HMCN1: variants seen among roughly 807,000 people sequenced by gnomAD.
HMCN1 encodes hemicentin-1.
In HMCN1, 321 loss-of-function variants were observed where a neutral mutation model predicts 625.9. That is an observed-to-expected ratio of 0.51 (90% CI 0.47 to 0.56). HMCN1 has a LOEUF of 0.56. Ranked by LOEUF, HMCN1 falls within the 20% of genes least tolerant of loss-of-function variation. The pLI, the probability that HMCN1 is intolerant of heterozygous loss-of-function variation, is 0.00. For missense variants in HMCN1, 6,588 were observed against 6,887.3 expected (o/e 0.96, Z 1.54); for synonymous variants, 2,425 against 2,417.6 (o/e 1.00, Z -0.09).
At chr1:186,055,696 A>G in intron 45 of HMCN1, 22 bp downstream of exon 45, 1 of 1,610,112 alleles carries the variant, frequency 6.2e-7, no homozygotes. Context: ...GAGGCTCAAT[A>G]TGTCCATTCA....
intron 1 of HMCN1, among the ~76,000 whole-genome samples, chr1:185,819,322 C>T (rs1282046449): frequency 6.6e-6 from 1 of 151,430 alleles, no homozygotes; most frequent in Non-Finnish European, 1.5e-5. Context: ...TTTTTCTAAA[C>T]ATTGAGGACC....
intron 19 of HMCN1, among the ~76,000 whole-genome samples, chr1:185,987,204 T>A (rs1652061045): frequency 6.6e-6 from 1 of 152,178 alleles, no homozygotes; most frequent in Non-Finnish European, 1.5e-5. Flanking sequence ...TAGACATAAC[T>A]TACTACTTGA....
rs1033369333 is a variant in HMCN1, at chr1:186,151,431, G to A, written c.14758+82G>A. On this transcript the variant is annotated intron_variant, in intron 94 of 106. Transcript: ENST00000271588. ...TACTTCCATTAAAGTTCTAGAGAAT[G>A]CTACTACTAACTCATAAGTATGGTA... 3 of 1,388,404 alleles carry A rather than the reference G, an allele frequency of 2.2e-6. No individual in the cohort carries two copies. The African/African-American group carries it at 4.3e-5, about 20-fold the overall frequency. The allele number at this position is 1,388,404 out of a possible 1,614,324, so 86.0% of individuals were successfully genotyped here.
At chr1:186,127,253 TAGAATA>T (rs1402973664) in intron 82 of HMCN1, among the ~76,000 whole-genome samples, 2 of 151,996 alleles carry the variant, frequency 1.3e-5, no homozygotes, top group Non-Finnish European at 2.9e-5. Context: ...AGCAAAGAGT[TAGAATA>T]AGAAGTTCAA....
At chr1:185,965,436 T>C (rs1228170277) in intron 13 of HMCN1, among the ~76,000 whole-genome samples, 1 of 152,120 alleles carries the variant, frequency 6.6e-6, no homozygotes, top group Non-Finnish European at 1.5e-5. Flanking sequence ...TTAGAATTAT[T>C]CCTCTCTCTG....
At chr1:185,930,934 A>T (rs2102491462) in intron 10 of HMCN1, among the ~76,000 whole-genome samples, 1 of 152,008 alleles carries the variant, frequency 6.6e-6, no homozygotes, top group South Asian at 2.1e-4. Context: ...ACACACACAC[A>T]CACACACACA....
Position 186,081,375 on chromosome 1 carries a change from C to T in HMCN1, c.8768C>T (p.Ser2923Phe). The change falls in exon 56 of 107, where the codon TCT (serine) becomes TTT (phenylalanine). Residue 2923 changes from serine (S) to phenylalanine (F), a missense_variant. Coordinates refer to ENST00000271588, the MANE Select transcript of HMCN1 (RefSeq NM_031935.3). ...GAAGATGACCATCATAAATTTCTAT[C>T]TAATGGACGAATTCTGCAGGTAAAA... ...LLEDDHHKFL[S>F]NGRILQILNT... The T allele has an allele frequency of 1.2e-6, 2 of 1,612,876 alleles. No individual in the cohort carries two copies. The highest frequency in any genetic ancestry group is 1.7e-6 in the Non-Finnish European group (2 of 1,179,050).
chr1:185,829,765 T>C (rs1660742885), intron 1 of HMCN1, among the ~76,000 whole-genome samples: 1 of 152,202 alleles, frequency 6.6e-6, no homozygotes, highest in African/African-American at 2.4e-5. Context: ...GTTGGGTATC[T>C]ACTCAGTAAT....
intron 93 of HMCN1, among the ~76,000 whole-genome samples, chr1:186,149,415 C>A (rs1167456455): frequency 6.6e-6 from 1 of 152,172 alleles, no homozygotes; most frequent in East Asian, 1.9e-4. Context: ...TTGTCTTCTG[C>A]AGCTTCCTCA....
chr1:186,041,822 T>G (rs529639144), intron 40 of HMCN1, among the ~76,000 whole-genome samples: 1 of 152,326 alleles, frequency 6.6e-6, no homozygotes, highest in African/African-American at 2.4e-5. Flanking sequence ...TTGGAATAAT[T>G]AAATTATTTC....
chr1:186,038,637 G>A (rs906132091), intron 37 of HMCN1, among the ~76,000 whole-genome samples, 192 bp from the exon 38 acceptor site: 14 of 152,078 alleles, frequency 9.2e-5, no homozygotes, highest in Admixed American at 3.9e-4. Context: ...AGGACTCACC[G>A]ACTTGGATCT....
chr1:185,771,740 A>AC (rs1395412869), intron 1 of HMCN1, among the ~76,000 whole-genome samples: 2 of 152,110 alleles, frequency 1.3e-5, no homozygotes, highest in African/African-American at 4.8e-5. Flanking sequence ...AGAGTACCAC[A>AC]CCTAGAGCTG....
intron 41 of HMCN1, among the ~76,000 whole-genome samples, chr1:186,047,582 G>T (rs1656660119): frequency 6.6e-6 from 1 of 152,034 alleles, no homozygotes; most frequent in Admixed American, 6.6e-5. Context: ...TACACACTAG[G>T]TGCTCAATAA....
chr1:185,796,681 A>G (rs769585403), intron 1 of HMCN1, among the ~76,000 whole-genome samples: 3 of 152,172 alleles, frequency 2.0e-5, no homozygotes, highest in Non-Finnish European at 4.4e-5. Flanking sequence ...CACTTTACAC[A>G]TACATATGTA....
chr1:185,850,912 A>G (rs1171923943), intron 2 of HMCN1, among the ~76,000 whole-genome samples: 1 of 152,144 alleles, frequency 6.6e-6, no homozygotes, highest in African/African-American at 2.4e-5. Flanking sequence ...CATTGGGAAT[A>G]CCACAGAAGT....
At chr1:185,860,943 C>T (rs1377641245) in intron 2 of HMCN1, among the ~76,000 whole-genome samples, 3 of 151,750 alleles carry the variant, frequency 2.0e-5, no homozygotes, top group Admixed American at 2.0e-4. Context: ...TGTGGTTAAA[C>T]TGCTTTATTC....
At chr1:186,065,517 C>T (rs1658053370) in intron 49 of HMCN1, 88 bp downstream of exon 49, 1 of 956,962 alleles carries the variant, frequency 1.0e-6, no homozygotes, top group Non-Finnish European at 1.5e-6. Context: ...AGTAATGTTT[C>T]CGTCGTAGAA....
At chr1:186,168,826 C>T (rs1002844672) in intron 100 of HMCN1, among the ~76,000 whole-genome samples, 5 of 152,012 alleles carry the variant, frequency 3.3e-5, no homozygotes, top group Non-Finnish European at 5.9e-5. Context: ...AGGTTTGTTA[C>T]GTAGCAATAC....
intron 36 of HMCN1, among the ~76,000 whole-genome samples, chr1:186,034,392 G>A (rs1655681108): frequency 6.6e-6 from 1 of 152,170 alleles, no homozygotes; most frequent in Admixed American, 6.5e-5. Context: ...TGTTTCAGAA[G>A]CATAAGGAAA....
Sources: allele counts gnomAD v4.1 joint callset (sites outside exome capture counted in the v4.1 genomes callset), GRCh38; gene constraint gnomAD v4.1.1; transcripts MANE v1.5; gene names NCBI Gene and HGNC (gene_info 2026-07-23, HGNC 2026-07-21).